Variants in NDE1 observed in about 807,000 individuals in gnomAD.
The protein encoded by NDE1 is nuclear distribution protein nudE homolog 1.
NDE1 carries 28 observed loss-of-function variants against 43.4 expected under a neutral mutation model. The ratio of observed to expected loss-of-function variants is 0.65; its 90% CI spans 0.48 to 0.89. The LOEUF is 0.89. NDE1 is among the 40% of genes least tolerant of loss of function. The probability of loss-of-function intolerance (pLI) is 0.00; values close to 1 mark genes in which losing one functional copy is unlikely to be tolerated. For missense variants in NDE1, 441 were observed against 434.1 expected (o/e 1.02, Z -0.14); for synonymous variants, 184 against 172.0 (o/e 1.07, Z -0.55).
intron 1 of NDE1, among the ~76,000 whole-genome samples, chr16:15,652,527 C>T (rs914978477): frequency 8.5e-5 from 13 of 152,166 alleles, no homozygotes; most frequent in African/African-American, 3.1e-4. Flanking sequence ...GTGCCCAGCA[C>T]TTAGTAGGTA....
At chr16:15,682,514 C>T (rs1364046475) in intron 4 of NDE1, among the ~76,000 whole-genome samples, 1 of 152,200 alleles carries the variant, frequency 6.6e-6, no homozygotes, top group Non-Finnish European at 1.5e-5. Flanking sequence ...ATACGTCCCT[C>T]AAACGAAACT....
At chr16:15,655,920 A>C (rs1370087395) in intron 1 of NDE1, among the ~76,000 whole-genome samples, 5 of 144,334 alleles carry the variant, frequency 3.5e-5, no homozygotes, top group Non-Finnish European at 7.5e-5. Context: ...ATAGGTGGGA[A>C]TTGAACAACG....
intron 4 of NDE1, chr16:15,684,675 G>T (rs2038345657): frequency 6.6e-6 from 1 of 152,006 alleles, no homozygotes; most frequent in Non-Finnish European, 1.5e-5. Flanking sequence ...TTCCGATTCA[G>T]TCGGAGTTTG....
At chr16:15,707,494 TAGG>T (rs1483721700) in intron 8 of NDE1, among the ~76,000 whole-genome samples, 5 of 152,160 alleles carry the variant, frequency 3.3e-5, no homozygotes, top group Non-Finnish European at 7.4e-5. Flanking sequence ...AATCAGCTGG[TAGG>T]AGAGCTGCTT....
chr16:15,699,349 T>G (rs932405398), intron 8 of NDE1, among the ~76,000 whole-genome samples: 1 of 148,674 alleles, frequency 6.7e-6, no homozygotes, highest in Non-Finnish European at 1.5e-5. Context: ...AACCTCCGCC[T>G]CCTGGGCTCC....
intron 7 of NDE1, chr16:15,694,743 C>G (rs762544113): frequency 1.1e-5 from 11 of 985,252 alleles, no homozygotes; most frequent in African/African-American, 5.2e-5. Context: ...GCCAGACACT[C>G]AGAGCTCTGA....
intron 8 of NDE1, chr16:15,719,596 G>T (rs1217430188): frequency 6.2e-7 from 1 of 1,614,182 alleles, no homozygotes; most frequent in South Asian, 1.1e-5. Flanking sequence ...TCTTGTAGCT[G>T]CATGAGGTCT....
rs6498567 is a variant in NDE1 at position 15,677,744 on chromosome 16, T to C, written c.238-57T>C. 0.66 allele frequency: 1,059,567 copies of C among 1,599,452 alleles called. 354,583 individuals carry two copies. Among genetic ancestry groups the C allele is most frequent in the African/African-American group, 0.9 (67,207 of 74,786 alleles). On this transcript the variant is annotated intron_variant, in intron 3 of 8. Coordinates refer to ENST00000396354, the MANE Select transcript of NDE1 (RefSeq NM_017668.3). ...GACTCCAGGTGGATGTGTGCTACTG[T>C]GTCTAGCCTTCTCAGAAGTCTTAAG... is the stretch of plus-strand genomic sequence containing the variant.
chr16:15,687,207 C>T, intron 4 of NDE1, 168 bp from the exon 5 acceptor site: 1 of 1,525,336 alleles, frequency 6.6e-7, no homozygotes, highest in Non-Finnish European at 8.8e-7. Flanking sequence ...AGGTAAAGAG[C>T]CCATGCCCCA....
At chr16:15,666,577 C>T (rs1326486168) in intron 2 of NDE1, among the ~76,000 whole-genome samples, 1 of 152,060 alleles carries the variant, frequency 6.6e-6, no homozygotes, top group Non-Finnish European at 1.5e-5. Context: ...CCTCTGCATT[C>T]CAGTCTGGGT....
intron 1 of NDE1, among the ~76,000 whole-genome samples, chr16:15,662,633 G>A (rs2037106502): frequency 6.6e-6 from 1 of 152,000 alleles, no homozygotes. Context: ...CTTTAGTGCA[G>A]TGGCACTATC....
chr16:15,713,949 C>G (rs2039969249), intron 8 of NDE1: 1 of 152,300 alleles, frequency 6.6e-6, no homozygotes, highest in Non-Finnish European at 1.5e-5. Flanking sequence ...GGGACAGAGC[C>G]AAAGAAAGGT....
intron 8 of NDE1, among the ~76,000 whole-genome samples, chr16:15,706,909 ACT>A (rs765370761): frequency 2.8e-4 from 42 of 152,174 alleles, no homozygotes; most frequent in Admixed American, 1.2e-3. Context: ...CCTGCAAGAT[ACT>A]CTGTTTTGGC....
chr16:15,688,449 A>G (rs1381283198), intron 5 of NDE1, among the ~76,000 whole-genome samples: 1 of 151,726 alleles, frequency 6.6e-6, no homozygotes, highest in Non-Finnish European at 1.5e-5. Context: ...AGCCTGGACA[A>G]CATAGAGAAA....
chr16:15,719,535 G>A (rs369978625), intron 8 of NDE1: 7 of 1,611,912 alleles, frequency 4.3e-6, no homozygotes, highest in Non-Finnish European at 3.4e-6. Context: ...GCCAAGGGGT[G>A]CTACCGTGAC....
chr16:15,717,173 G>A lies in NDE1; in HGVS notation c.948-7018G>A, dbSNP rs1596704264. On this transcript the variant is annotated intron_variant, in intron 8 of 8. Transcript: ENST00000396354. ...CTGCTCGACCTGCTCCTCCAGCTGT[G>A]CAATCTTGGCCTCCAGCGCCGCGAT... 2.5e-6 allele frequency: 4 copies of A among 1,614,210 alleles called. No homozygotes were observed. Among genetic ancestry groups the A allele is most frequent in the Non-Finnish European group, 3.4e-6 (4 of 1,180,038 alleles).
At chr16:15,673,319 C>T (rs1045672083) in intron 3 of NDE1, among the ~76,000 whole-genome samples, 1 of 151,944 alleles carries the variant, frequency 6.6e-6, no homozygotes, top group African/African-American at 2.4e-5. Flanking sequence ...AAGCGATTCC[C>T]CTGCCTCCCG....
chr16:15,697,996 CGG>C (rs1459475387), intron 8 of NDE1, among the ~76,000 whole-genome samples: 2 of 151,608 alleles, frequency 1.3e-5, no homozygotes, highest in African/African-American at 2.4e-5. Context: ...TTAGTCGAGA[CGG>C]GGTTTCACTG....
chr16:15,679,255 C>G (rs1242139243), intron 4 of NDE1, among the ~76,000 whole-genome samples: 1 of 152,060 alleles, frequency 6.6e-6, no homozygotes. Flanking sequence ...CTCAACCTCC[C>G]AAAGTTCTGG....
Sources: allele counts gnomAD v4.1 joint callset (sites outside exome capture counted in the v4.1 genomes callset), GRCh38; gene constraint gnomAD v4.1.1; transcripts MANE v1.5; gene names NCBI Gene and HGNC (gene_info 2026-07-23, HGNC 2026-07-21).